The following CALN1 variants were observed in gnomAD, a reference collection of about 807,000 sequenced individuals.
CALN1 encodes calcium-binding protein 8.
Under a neutral mutation model 30.6 loss-of-function variants are expected in CALN1, and 17 were observed. The ratio of observed to expected loss-of-function variants is 0.56; its 90% confidence interval spans 0.38 to 0.83. CALN1 has a LOEUF of 0.83. Among genes scored for constraint, CALN1 ranks in the 40% least tolerant of loss-of-function variants. The pLI is 0.00. For missense variants in CALN1, 291 were observed against 354.9 expected (o/e 0.82, Z 1.45); for synonymous variants, 156 against 131.4 (o/e 1.19, Z -1.28).
chr7:72,208,168 T>C (rs1792031724), intron 3 of CALN1, among the ~76,000 whole-genome samples: 1 of 152,204 alleles, frequency 6.6e-6, no homozygotes, highest in South Asian at 2.1e-4. Context: ...ATTTAGCTAT[T>C]TAATATTGAG....
At chr7:71,947,397 G>A (rs925772814) in intron 5 of CALN1, among the ~76,000 whole-genome samples, 2 of 151,996 alleles carry the variant, frequency 1.3e-5, no homozygotes, top group African/African-American at 4.8e-5. Context: ...AGAATCAGAG[G>A]GCATCTTTCA....
At chr7:72,146,870 G>C (rs539549619) in intron 3 of CALN1, among the ~76,000 whole-genome samples, 77 of 152,298 alleles carry the variant, frequency 5.1e-4, no homozygotes, top group African/African-American at 1.7e-3. Context: ...AACGGGGAAA[G>C]GATTCCCTAT....
chr7:71,957,210 G>A (rs1330853484), intron 5 of CALN1, among the ~76,000 whole-genome samples: 2 of 152,108 alleles, frequency 1.3e-5, no homozygotes, highest in Admixed American at 6.6e-5. Flanking sequence ...CATCTTCTGT[G>A]AGAGAATTTT....
At chr7:72,347,096 G>T (rs1341647564) in intron 2 of CALN1, among the ~76,000 whole-genome samples, 1 of 152,098 alleles carries the variant, frequency 6.6e-6, no homozygotes, top group Non-Finnish European at 1.5e-5. Context: ...TGCAATGCTG[G>T]CTGAGAATTT....
At chr7:72,426,833 T>G (rs2129563868) in intron 1 of CALN1, among the ~76,000 whole-genome samples, 1 of 152,314 alleles carries the variant, frequency 6.6e-6, no homozygotes, top group South Asian at 2.1e-4. Flanking sequence ...CCACTCATGT[T>G]TGCTGTTCAT....
intron 1 of CALN1, among the ~76,000 whole-genome samples, chr7:72,442,601 G>A (rs776707256): frequency 3.4e-5 from 5 of 146,356 alleles, no homozygotes; most frequent in Middle Eastern, 3.7e-3. Flanking sequence ...TAAGGGTTGC[G>A]CTTATTTAGG....
intron 5 of CALN1, among the ~76,000 whole-genome samples, chr7:71,846,842 T>C (rs1450644073): frequency 2.0e-5 from 3 of 146,638 alleles, no homozygotes; most frequent in Non-Finnish European, 4.5e-5. Flanking sequence ...TACATGTGTA[T>C]ATATTATATA....
intron 5 of CALN1, among the ~76,000 whole-genome samples, chr7:71,859,248 A>T: frequency 6.6e-6 from 1 of 152,034 alleles, no homozygotes; most frequent in Non-Finnish European, 1.5e-5. Flanking sequence ...TTTTCAGTAG[A>T]GACAGGGTTT....
At chr7:71,998,756 C>CA (rs796421305) in intron 5 of CALN1, among the ~76,000 whole-genome samples, 15 of 152,112 alleles carry the variant, frequency 9.9e-5, no homozygotes, top group African/African-American at 3.6e-4. Flanking sequence ...GAGGTTTCAC[C>CA]ATGTTGCCCA....
Position 72,318,503 on chromosome 7 carries a change from T to C in CALN1, c.120-39693A>G, listed in dbSNP as rs534399421. Reference sequence around the variant, plus strand: ...AGTTATGATGACAGAGGATCAAATGTACAGCTAGCTCTCCACAGTATAGTT... The same window carrying C: ...AGTTATGATGACAGAGGATCAAATGCACAGCTAGCTCTCCACAGTATAGTT... On this transcript the variant is annotated intron_variant, in intron 2 of 6. Coordinates refer to ENST00000395275, the MANE Select transcript of CALN1 (RefSeq NM_031468.4). 1.8e-4 allele frequency among the ~76,000 whole-genome samples: 28 copies of C among 152,272 alleles called. No homozygotes were observed. In the South Asian group the frequency reaches 5.4e-3, roughly 29 times the overall value.
intron 2 of CALN1, among the ~76,000 whole-genome samples, chr7:72,312,998 C>T (rs374139413): frequency 6.6e-6 from 1 of 152,244 alleles, no homozygotes; most frequent in Admixed American, 6.5e-5. Flanking sequence ...CCATACCCGG[C>T]TAATTTTTGT....
intron 3 of CALN1, among the ~76,000 whole-genome samples, chr7:72,201,772 A>G (rs1394203709): frequency 2.6e-5 from 4 of 151,340 alleles, no homozygotes; most frequent in African/African-American, 7.3e-5. Flanking sequence ...AACTGTAGTA[A>G]GCAAAAGCCA....
At chr7:71,811,144 G>A (rs866486879) in intron 5 of CALN1, among the ~76,000 whole-genome samples, 1 of 151,842 alleles carries the variant, frequency 6.6e-6, no homozygotes, top group Non-Finnish European at 1.5e-5. Context: ...TGATCCGCCC[G>A]CCTCGGCCTC....
At chr7:72,161,344 T>C (rs1788093195) in intron 3 of CALN1, among the ~76,000 whole-genome samples, 1 of 152,130 alleles carries the variant, frequency 6.6e-6, no homozygotes, top group Admixed American at 6.6e-5. Flanking sequence ...CCTTCAGTGA[T>C]AATCACCCAG....
In CALN1 at chr7:71,984,988, G is replaced by A. The variant is rs573471794; in HGVS notation, c.501+38669C>T. Among the ~76,000 whole-genome samples the A allele has an allele frequency of 1.2e-3, 177 of 152,224 alleles. 3 individuals are homozygous for A. The South Asian group carries it at 0.035, about 30-fold the overall frequency. On this transcript the variant is annotated intron_variant, in intron 5 of 6. Coordinates refer to ENST00000395275, the MANE Select transcript of CALN1 (RefSeq NM_031468.4). The stretch of plus-strand genomic sequence containing the variant: ...AGCAAGTTGGCTTGAGTTTGGAGCC[G>A]TCCAGGCAGACTGTAGCTTGAGTTA...
chr7:72,070,823 CCT>C (rs1288325468), intron 4 of CALN1, among the ~76,000 whole-genome samples: 1 of 152,134 alleles, frequency 6.6e-6, no homozygotes, highest in Non-Finnish European at 1.5e-5. Flanking sequence ...GGTCTCCTCC[CCT>C]GTCTATAATT....
At chr7:72,128,827 G>A (rs562251604) in intron 3 of CALN1, among the ~76,000 whole-genome samples, 58 of 152,268 alleles carry the variant, frequency 3.8e-4, no homozygotes, top group East Asian at 2.5e-3. Flanking sequence ...AGCTGAGATC[G>A]GGCCGCTGCA....
chr7:72,215,934 T>C (rs933344837), intron 3 of CALN1, among the ~76,000 whole-genome samples: 3 of 152,144 alleles, frequency 2.0e-5, no homozygotes, highest in Non-Finnish European at 2.9e-5. Flanking sequence ...GAGGTAAGCA[T>C]GGGTCGGACC....
At chr7:72,114,262 GGGAAGGGA>G (rs1807791282) in intron 3 of CALN1, among the ~76,000 whole-genome samples, 1 of 66,256 alleles carries the variant, frequency 1.5e-5, no homozygotes, top group Non-Finnish European at 2.8e-5. Context: ...GGGAAGGGAA[GGGAAGGGA>G]AGGGAAGGGA....
Sources: gnomAD v4.1 joint callset for allele counts (sites outside exome capture counted in the v4.1 genomes callset) on GRCh38, gnomAD v4.1.1 for gene constraint, MANE v1.5 for transcripts, NCBI Gene and HGNC (gene_info 2026-07-23, HGNC 2026-07-21) for gene names.